Variants in CUBN observed in about 807,000 individuals in gnomAD.
The protein encoded by CUBN is cubilin.
In CUBN, 282 loss-of-function variants were observed where a neutral mutation model predicts 405.3. The ratio of observed to expected loss-of-function variants is 0.70; its 90% CI spans 0.63 to 0.77. CUBN has a LOEUF of 0.77. CUBN is among the 30% of genes least tolerant of loss of function. CUBN has a pLI of 0.00. For synonymous variants in CUBN, 1,684 were observed against 1,617.0 expected (o/e 1.04, Z -0.99); for missense variants, 4,514 against 4,475.2 (o/e 1.01, Z -0.25).
Position 17,019,835 on chromosome 10 carries a change from T to C in CUBN, c.4166A>G (p.Tyr1389Cys). Reference sequence around the variant, plus strand: ...ACTGAGATCAGCACCTGGCTTACCGTAAACAAACCACTGCATCTGAAATCC... The same window carrying C: ...ACTGAGATCAGCACCTGGCTTACCGCAAACAAACCACTGCATCTGAAATCC... ...EKGFQMQWFV[Y>C]GCGGELSGAT... is the part of the protein sequence containing the mutation. Residue 1389 changes from tyrosine to cysteine, a missense_variant and splice_region_variant, in exon 28 of 67, where the codon TAC (tyrosine) becomes TGC (cysteine). This residue lies in a region of CUBN where 242 missense variants were observed against 309.0 expected (regional missense o/e 0.78). Transcript: ENST00000377833. The C allele has an allele frequency of 1.2e-6, 2 of 1,614,094 alleles. No homozygotes were observed. Among genetic ancestry groups the C allele is most frequent in the Non-Finnish European group, 1.7e-6 (2 of 1,179,964 alleles).
chr10:16,942,768 G>C (rs1466722971), intron 36 of CUBN, among the ~76,000 whole-genome samples: 2 of 149,100 alleles, frequency 1.3e-5, no homozygotes, highest in East Asian at 2.0e-4. Context: ...ACAGGAAAGG[G>C]GAAAGGGTAA....
Position 16,824,901 on chromosome 10 carries a change from T to C in CUBN, c.*74A>G. Reference sequence around the variant, plus strand: ...TTCTCTGTGGCATCAGCAGGGGTCATGTATCAGGATGGCAGAGTGCTGTCC... The same window carrying C: ...TTCTCTGTGGCATCAGCAGGGGTCACGTATCAGGATGGCAGAGTGCTGTCC... On this transcript the variant is annotated 3_prime_UTR_variant, in exon 67 of 67. Transcript: ENST00000377833. 2 of 981,812 alleles carry C rather than the reference T, an allele frequency of 2.0e-6. No individual in the cohort carries two copies. The highest frequency in any genetic ancestry group is 1.8e-5 in the Admixed American group (1 of 56,154). 60.8% of individuals were successfully genotyped at this position (981,812 alleles called of 1,614,324 possible).
chr10:17,072,964 C>A (rs573845393), intron 17 of CUBN, among the ~76,000 whole-genome samples: 149 of 152,200 alleles, frequency 9.8e-4, no homozygotes, highest in African/African-American at 3.5e-3. Flanking sequence ...TCCCATCCCA[C>A]CCTCAACCCC....
intron 1 of CUBN, 30 bp downstream of exon 1, chr10:17,129,614 T>C: frequency 6.2e-7 from 1 of 1,614,104 alleles, no homozygotes; most frequent in Non-Finnish European, 8.5e-7. Flanking sequence ...GCCTAGTCCC[T>C]GAGCAGGAAT....
intron 57 of CUBN, among the ~76,000 whole-genome samples, chr10:16,874,888 T>C (rs545925089): frequency 1.6e-4 from 25 of 152,230 alleles, no homozygotes; most frequent in African/African-American, 6.0e-4. Flanking sequence ...GCCAGAATGA[T>C]GTTCTGGGCG....
chr10:17,069,342 T>C (rs1207076506), intron 19 of CUBN, among the ~76,000 whole-genome samples: 2 of 152,222 alleles, frequency 1.3e-5, no homozygotes, highest in East Asian at 1.9e-4. Flanking sequence ...CCCTTGAGAA[T>C]ATATCTAAAA....
At chr10:16,963,775 A>G (rs1259389381) in intron 31 of CUBN, among the ~76,000 whole-genome samples, 3 of 152,376 alleles carry the variant, frequency 2.0e-5, no homozygotes, top group East Asian at 3.9e-4. Flanking sequence ...GAAAAACAGA[A>G]TAATGAGTGA....
chr10:17,101,264 CA>C (rs1216679687), intron 13 of CUBN, among the ~76,000 whole-genome samples: 2 of 151,744 alleles, frequency 1.3e-5, no homozygotes, highest in Non-Finnish European at 2.9e-5. Flanking sequence ...TATGAAATCA[CA>C]ATAATCAAGA....
intron 30 of CUBN, 143 bp from the exon 31 acceptor site, chr10:16,982,796 A>G: frequency 1.3e-6 from 1 of 757,704 alleles, no homozygotes; most frequent in South Asian, 1.5e-5. Flanking sequence ...TGATATCCAC[A>G]TTAAGCCATT....
chr10:16,891,170 C>T (rs1203569546), intron 54 of CUBN, among the ~76,000 whole-genome samples: 1 of 152,144 alleles, frequency 6.6e-6, no homozygotes, highest in Non-Finnish European at 1.5e-5. Context: ...CCTCGAATGA[C>T]TGAATTTATA....
intron 37 of CUBN, 131 bp downstream of exon 37, chr10:16,939,901 T>C: frequency 1.1e-6 from 1 of 879,982 alleles, no homozygotes; most frequent in Non-Finnish European, 1.9e-6. Context: ...TATAAGGTAA[T>C]TCACAAAGAC....
Position 16,915,016 on chromosome 10 carries a change from G to T in CUBN, c.7351+16C>A. 1 of 1,610,912 alleles carries T rather than the reference G, an allele frequency of 6.2e-7. No individual in the cohort carries two copies. The highest frequency in any genetic ancestry group is 1.1e-5 in the South Asian group (1 of 90,960). On this transcript the variant is annotated intron_variant, in intron 47 of 66. Coordinates refer to ENST00000377833, the MANE Select transcript of CUBN (RefSeq NM_001081.4). ...GCAGGTGCTCAATGTTGTGTTGAAT[G>T]AATCAATGAACTCACCTTCCATACT...
intron 59 of CUBN, 102 bp from the exon 60 acceptor site, chr10:16,851,545 A>T (rs1260619058): frequency 7.7e-6 from 8 of 1,034,624 alleles, no homozygotes; most frequent in Non-Finnish European, 1.2e-5. Context: ...TTTCTGTCAC[A>T]CTCTGAGAAC....
intron 53 of CUBN, 120 bp from the exon 54 acceptor site, chr10:16,899,303 G>A: frequency 8.7e-6 from 7 of 800,914 alleles, no homozygotes; most frequent in Middle Eastern, 3.4e-4. Context: ...TTTTACAAGT[G>A]ATCATCTTCC....
chr10:16,925,140 T>TATTAATTC (rs1842145306), intron 43 of CUBN, 101 bp downstream of exon 43: 1 of 879,002 alleles, frequency 1.1e-6, no homozygotes, highest in African/African-American at 1.7e-5. Flanking sequence ...TAGGCATTCT[T>TATTAATTC]ATTAATTCTA....
chr10:17,104,341 G>A, intron 12 of CUBN, 78 bp downstream of exon 12: 1 of 1,312,814 alleles, frequency 7.6e-7, no homozygotes, highest in Non-Finnish European at 1.1e-6. Flanking sequence ...GTTCAGCAGA[G>A]GAATCTGTTG....
chr10:16,903,275 A>G (rs1051480205), intron 51 of CUBN, among the ~76,000 whole-genome samples: 3 of 152,184 alleles, frequency 2.0e-5, no homozygotes, highest in Admixed American at 1.3e-4. Context: ...CACACTAAGG[A>G]TGGAAGGGAC....
intron 28 of CUBN, 149 bp from the exon 29 acceptor site, chr10:16,990,664 A>T (rs1833559072): frequency 1.5e-6 from 1 of 666,104 alleles, no homozygotes; most frequent in Non-Finnish European, 2.5e-6. Flanking sequence ...ATAATTATGC[A>T]GTTATAAAAC....
In CUBN at chr10:16,933,195, A is replaced by T. The variant is rs1842409332; in HGVS notation, c.6016T>A (p.Cys2006Ser). ...TCGGGAGCCTGGATGAGCCACGTACAGTCCACTCTATTACTGTAACTGTCA... is the reference window on the plus strand; with the variant it reads ...TCGGGAGCCTGGATGAGCCACGTACTGTCCACTCTATTACTGTAACTGTCA... ...WPDSYSNRVD[C>S]TWLIQAPDST... The change falls in exon 40 of 67, where the codon TGT (cysteine) becomes AGT (serine). Residue 2006 changes from cysteine (C) to serine (S), a missense_variant. Around this residue, in one of 5 missense-constraint regions of CUBN, gnomAD observed 1,613 missense variants for 1,542.8 expected, o/e 1.05. Coordinates refer to ENST00000377833, the MANE Select transcript of CUBN (RefSeq NM_001081.4). The T allele has an allele frequency of 6.2e-7, 1 of 1,614,038 alleles. No homozygotes were observed. Among genetic ancestry groups the T allele is most frequent in the South Asian group, 1.1e-5 (1 of 91,090 alleles).
Sources: allele counts gnomAD v4.1 joint callset (sites outside exome capture counted in the v4.1 genomes callset), GRCh38; gene constraint gnomAD v4.1.1; regional missense constraint gnomAD v4.1.1; transcripts MANE v1.5; gene names NCBI Gene and HGNC (gene_info 2026-07-23, HGNC 2026-07-21).